SUN2: variants seen among roughly 807,000 people sequenced by gnomAD.
The protein encoded by SUN2 is SUN domain-containing protein 2.
SUN2 carries 60 observed loss-of-function variants against 100.0 expected under a neutral mutation model. The ratio of observed to expected loss-of-function variants is 0.60; its 90% CI spans 0.49 to 0.74. The LOEUF (loss-of-function observed/expected upper bound fraction) is 0.74. Among genes scored for constraint, SUN2 ranks in the 30% least tolerant of loss-of-function variants. The pLI is 0.00. For missense variants in SUN2, 834 were observed against 954.6 expected (o/e 0.87, Z 1.66); for synonymous variants, 367 against 403.3 (o/e 0.91, Z 1.08).
At chr22:38,746,903 G>A (rs1030552955) in intron 7 of SUN2, among the ~76,000 whole-genome samples, 28 of 151,508 alleles carry the variant, frequency 1.8e-4, no homozygotes, top group Non-Finnish European at 2.5e-4. Flanking sequence ...GCGTGGTGGC[G>A]GCCGCCTGTA....
Position 38,745,696 on chromosome 22 carries a change from C to G in SUN2, c.801G>C (p.Ser267=), listed in dbSNP as rs374425217. Residue 267 remains serine, a synonymous_variant, in exon 8 of 18, where the codon TCG becomes TCC. Coordinates refer to ENST00000689035, the MANE Select transcript of SUN2 (RefSeq NM_015374.3). ...PDEGWEARDS[S]PHFQAEQRVM... is the part of the protein sequence containing the mutation. ...CTCAGAGACTCACCTGGAAATGTGG[C>G]GATGAGTCTCTGGCTTCCCAGCCCT... The G allele has an allele frequency of 2.5e-6, 4 of 1,613,688 alleles. No individual in the cohort carries two copies. The highest frequency in any genetic ancestry group is 1.7e-5 in the Admixed American group (1 of 60,032).
In SUN2 at chr22:38,738,773, A is replaced by T. The variant is rs775442033; in HGVS notation, c.1780-19T>A. On this transcript the variant is annotated intron_variant, in intron 15 of 17. Transcript: ENST00000689035. The surrounding 1 kb of genome is among the most constrained non-coding windows in gnomAD (Gnocchi z 6.6). ...CATCTGGCTGGAGGAGCAGAAAGTC[A>T]TGTCAGGACAGGGCCCTGAGTCCAG... 6 of 1,611,520 alleles carry T rather than the reference A, an allele frequency of 3.7e-6. No homozygotes were observed. In the South Asian group the frequency reaches 6.6e-5, roughly 18 times the overall value.
intron 7 of SUN2, among the ~76,000 whole-genome samples, chr22:38,747,773 T>A (rs1305776753): frequency 6.6e-6 from 1 of 151,084 alleles, no homozygotes; most frequent in Admixed American, 6.6e-5. Context: ...TGAAACCCCG[T>A]CTCTACTAAA....
Position 38,740,304 on chromosome 22 carries a change from C to T in SUN2, c.1319G>A (p.Gly440Asp). ...LKQSSVAEEVGLLPQQIQAVR... is the reference protein window; with the variant it reads ...LKQSSVAEEVDLLPQQIQAVR... The stretch of plus-strand genomic sequence containing the variant: ...GGCCTGGATCTGCTGGGGCAGCAGG[C>T]CCACTTCTTCCGCCACCGAGCTCTG... Residue 440 changes from glycine to aspartate, a missense_variant, in exon 12 of 18, where the codon GGC (glycine) becomes GAC (aspartate). Physicochemically the swap from Gly to Asp is moderately conservative, Grantham distance 94. Around this residue, in one of 3 missense-constraint regions of SUN2, gnomAD observed 559 missense variants for 597.7 expected, o/e 0.94. Coordinates refer to ENST00000689035, the MANE Select transcript of SUN2 (RefSeq NM_015374.3). This position sits in a 1 kb window ranked among gnomAD's most constrained non-coding sequence, Gnocchi z 4.8. 6.2e-7 allele frequency: 1 copy of T among 1,603,646 alleles called. No individual in the cohort carries two copies. Among genetic ancestry groups the T allele is most frequent in the Non-Finnish European group, 8.5e-7 (1 of 1,175,934 alleles).
In SUN2 at chr22:38,737,913, C is replaced by G. The variant is rs1222474531; in HGVS notation, c.2040+260G>C. 6.0e-6 allele frequency: 4 copies of G among 662,616 alleles called. No homozygotes were observed. The highest frequency in any genetic ancestry group is 1.1e-5 in the Non-Finnish European group (4 of 350,692). The allele number at this position is 662,616 out of a possible 1,614,324, so 41.0% of individuals were successfully genotyped here. ...CCTTCCTTTCCTGGCCACCCAACCC[C>G]TCTTGTGTAAAGCCCACCTCCTGGT... is the stretch of plus-strand genomic sequence containing the variant. On this transcript the variant is annotated intron_variant, in intron 17 of 17. Coordinates refer to ENST00000689035, the MANE Select transcript of SUN2 (RefSeq NM_015374.3). This position sits in a 1 kb window ranked among gnomAD's most constrained non-coding sequence, Gnocchi z 4.1.
chr22:38,755,328 C>T lies in SUN2; in HGVS notation c.-38+435G>A. The T allele has an allele frequency of 9.1e-7, 1 of 1,094,934 alleles. No individual in the cohort carries two copies. Among genetic ancestry groups the T allele is most frequent in the East Asian group, 7.3e-5 (1 of 13,656 alleles). 67.8% of individuals were successfully genotyped at this position (1,094,934 alleles called of 1,614,324 possible). ...TGGCTCTCTAAGTCACACCGCGCCCCCCATTGCTTTGTTTTGTTTTGTTTT... is the reference window on the plus strand; with the variant it reads ...TGGCTCTCTAAGTCACACCGCGCCCTCCATTGCTTTGTTTTGTTTTGTTTT... On this transcript the variant is annotated intron_variant, in intron 1 of 17. Transcript: ENST00000689035. This position sits in a 1 kb window ranked among gnomAD's most constrained non-coding sequence, Gnocchi z 5.7.
chr22:38,742,381 C>T lies in SUN2; in HGVS notation c.988G>A (p.Ala330Thr). The T allele has an allele frequency of 6.2e-7, 1 of 1,613,360 alleles. No individual in the cohort carries two copies. Among genetic ancestry groups the T allele is most frequent in the Non-Finnish European group, 8.5e-7 (1 of 1,179,972 alleles). ...CGGCTCACTAGCCCCTCCAGCAGCG[C>T]CAGGGTGTCCTCGTGGCTCAGGCCA... is the stretch of plus-strand genomic sequence containing the variant. Reference protein sequence around the residue: ...GGGLSHEDTLALLEGLVSRRE... With the variant: ...GGGLSHEDTLTLLEGLVSRRE... Residue 330 changes from alanine to threonine, a missense_variant, in exon 9 of 18, where the codon GCG becomes ACG. Ala to Thr is a moderately conservative substitution (Grantham distance 58). Transcript: ENST00000689035.
rs1041207891 is a variant in SUN2 at position 38,755,233 on chromosome 22, G to T, written c.-38+530C>A. On this transcript the variant is annotated intron_variant, in intron 1 of 17. Transcript: ENST00000689035. This position sits in a 1 kb window ranked among gnomAD's most constrained non-coding sequence, Gnocchi z 5.7. ...CCCTTGTGGGACCTGCCAAACGCCCGGTGCTAACTCCCTCTGCCCTCATTC... is the reference window on the plus strand; with the variant it reads ...CCCTTGTGGGACCTGCCAAACGCCCTGTGCTAACTCCCTCTGCCCTCATTC... The T allele has an allele frequency of 3.4e-6, 4 of 1,182,184 alleles. No homozygotes were observed. The African/African-American group carries it at 6.4e-5, about 19-fold the overall frequency. The allele number at this position is 1,182,184 out of a possible 1,614,324, so 73.2% of individuals were successfully genotyped here. A position where few individuals can be genotyped will look rare whatever the true frequency, so the allele number is the denominator to read the frequency against.
chr22:38,751,034 A>G lies in SUN2; in HGVS notation c.288T>C (p.Gly96=). The G allele has an allele frequency of 6.2e-7, 1 of 1,612,648 alleles. No individual in the cohort carries two copies. The highest frequency in any genetic ancestry group is 8.5e-7 in the Non-Finnish European group (1 of 1,179,384). Residue 96 remains glycine (G), a splice_region_variant and synonymous_variant, in exon 4 of 18, where the codon GGT becomes GGC. Coordinates refer to ENST00000689035, the MANE Select transcript of SUN2 (RefSeq NM_015374.3). ...TCCTCCTCCGCACCCGCAGGTCCTC[A>G]CCTGTGCAGGGAAGAACCAGGGGCT... The part of the protein sequence containing the change: ...LEELHGDANW[G]EDLRVRRRRG...
At position 38,737,404 on chromosome 22, in the gene SUN2, C is replaced by CA. The variant is rs1477710557; in HGVS notation, c.2040+768dup. 6.6e-6 allele frequency among the ~76,000 whole-genome samples: 1 copy of CA among 152,172 alleles called. No individual in the cohort carries two copies. Among genetic ancestry groups the CA allele is most frequent in the Non-Finnish European group, 1.5e-5 (1 of 68,026 alleles). On this transcript the variant is annotated intron_variant, in intron 17 of 17. Coordinates refer to ENST00000689035, the MANE Select transcript of SUN2 (RefSeq NM_015374.3). This position sits in a 1 kb window ranked among gnomAD's most constrained non-coding sequence, Gnocchi z 4.1. ...CCTCACTCCCAACGCCCCTCTCCCCCACCTATCCTGTTCTGGCTGCTTTCC... is the reference window on the plus strand; with the variant it reads ...CCTCACTCCCAACGCCCCTCTCCCCCAACCTATCCTGTTCTGGCTGCTTTCC...
chr22:38,739,941 C>T lies in SUN2; in HGVS notation c.1359G>A (p.Val453=), dbSNP rs745348691. 3.7e-6 allele frequency: 6 copies of T among 1,610,016 alleles called. No homozygotes were observed. The highest frequency in any genetic ancestry group is 1.3e-5 in the African/African-American group (1 of 75,042). Residue 453 remains valine, a splice_region_variant and synonymous_variant, in exon 13 of 18, where the codon GTG becomes GTA. Transcript: ENST00000689035. The surrounding 1 kb of genome is among the most constrained non-coding windows in gnomAD (Gnocchi z 6.7). ...TGATCCAGGCCGGGAACTGAGATTCCACCTATAGGAACCCAAAGGGGTGTC... is the reference window on the plus strand; with the variant it reads ...TGATCCAGGCCGGGAACTGAGATTCTACCTATAGGAACCCAAAGGGGTGTC... The part of the protein sequence containing the change: ...PQQIQAVRDD[V]ESQFPAWISQ...
In SUN2 at chr22:38,738,741, G is replaced by A. The variant is rs1394617985; in HGVS notation, c.1793C>T (p.Pro598Leu). ...PRVILQPDVHPGNCWAFQGPQ... is the reference protein window; with the variant it reads ...PRVILQPDVHLGNCWAFQGPQ... The stretch of plus-strand genomic sequence containing the variant: ...CCCCTGGAAGGCCCAGCAGTTGCCT[G>A]GGTGCACATCTGGCTGGAGGAGCAG... Residue 598 changes from proline to leucine, a missense_variant, in exon 16 of 18, where the codon CCA becomes CTA. Coordinates refer to ENST00000689035, the MANE Select transcript of SUN2 (RefSeq NM_015374.3). The surrounding 1 kb of genome is among the most constrained non-coding windows in gnomAD (Gnocchi z 6.6). The A allele has an allele frequency of 1.2e-6, 2 of 1,613,444 alleles. No homozygotes were observed. Among genetic ancestry groups the A allele is most frequent in the Non-Finnish European group, 1.7e-6 (2 of 1,179,976 alleles).
rs779567211 is a variant in SUN2 at position 38,740,345 on chromosome 22, C to A, written c.1278G>T (p.Ala426=). 2.0e-5 allele frequency: 32 copies of A among 1,588,748 alleles called. No individual in the cohort carries two copies. Among genetic ancestry groups the A allele is most frequent in the Non-Finnish European group, 2.7e-5 (32 of 1,168,078 alleles). The change falls in exon 12 of 18, where the codon GCG becomes GCT. Residue 426 remains alanine (A), a synonymous_variant. Transcript: ENST00000689035. The surrounding 1 kb of genome is among the most constrained non-coding windows in gnomAD (Gnocchi z 4.8). ...CCGAGCTCTGCTTCAGTGCCAGAGCCGCCAGCTCCTGCTGCAGGCCGGCCA... is the reference window on the plus strand; with the variant it reads ...CCGAGCTCTGCTTCAGTGCCAGAGCAGCCAGCTCCTGCTGCAGGCCGGCCA... ...DQLAGLQQEL[A]ALALKQSSVA...
intron 2 of SUN2, 45 bp from the exon 3 acceptor site, chr22:38,751,418 G>A: frequency 6.2e-7 from 1 of 1,603,486 alleles, no homozygotes; most frequent in Non-Finnish European, 8.5e-7. Flanking sequence ...AGGGAGGTGA[G>A]CCCAGCCAGG....
chr22:38,755,608 C>T lies in SUN2; in HGVS notation c.-38+155G>A. Reference sequence around the variant, plus strand: ...GCCAGGAGGTGAGTCAGGGCGCGGGCCGCGGACCCGGGTGGAGGCTGGATC... The same window carrying T: ...GCCAGGAGGTGAGTCAGGGCGCGGGTCGCGGACCCGGGTGGAGGCTGGATC... On this transcript the variant is annotated intron_variant, in intron 1 of 17. Coordinates refer to ENST00000689035, the MANE Select transcript of SUN2 (RefSeq NM_015374.3). The surrounding 1 kb of genome is among the most constrained non-coding windows in gnomAD (Gnocchi z 5.7). 1.1e-6 allele frequency: 1 copy of T among 942,786 alleles called. No individual in the cohort carries two copies. Among genetic ancestry groups the T allele is most frequent in the Non-Finnish European group, 1.3e-6 (1 of 790,870 alleles). The allele number at this position is 942,786 out of a possible 1,614,324, so 58.4% of individuals were successfully genotyped here.
rs1478366937 is a variant in SUN2, at chr22:38,738,422, C to G, written c.1948-157G>C. The G allele has an allele frequency of 8.7e-7, 1 of 1,147,036 alleles. No homozygotes were observed. Among genetic ancestry groups the G allele is most frequent in the East Asian group, 2.4e-5 (1 of 41,240 alleles). 71.1% of individuals were successfully genotyped at this position (1,147,036 alleles called of 1,614,324 possible). ...GTGCCACAGTTTCTGCCTCCAAAGC[C>G]TAAGGTAACAGGGACTGAAGTGCTG... is the stretch of plus-strand genomic sequence containing the variant. On this transcript the variant is annotated intron_variant, in intron 16 of 17. Transcript: ENST00000689035. The surrounding 1 kb of genome is among the most constrained non-coding windows in gnomAD (Gnocchi z 6.6).
chr22:38,751,451 T>G, intron 2 of SUN2, 78 bp from the exon 3 acceptor site: 1 of 1,546,320 alleles, frequency 6.5e-7, no homozygotes, highest in Non-Finnish European at 8.8e-7. Flanking sequence ...AGCCACAGCC[T>G]GCGGCCCTGC....
Position 38,751,313 on chromosome 22 carries a change from C to G in SUN2, c.183G>C (p.Pro61=). The G allele has an allele frequency of 1.6e-5, 26 of 1,614,144 alleles. No homozygotes were observed. Among genetic ancestry groups the G allele is most frequent in the Non-Finnish European group, 2.2e-5 (26 of 1,180,022 alleles). The part of the protein sequence containing the change: ...KRLSPAPQLG[P]SSDAHTSYYS... ...AGTAGGAGGTGTGTGCATCAGAGGA[C>G]GGGCCCAGCTGTGGCGCTGGGGACA... The change falls in exon 3 of 18, where the codon CCG becomes CCC. Residue 61 remains proline (P), a synonymous_variant. Transcript: ENST00000689035.
intron 9 of SUN2, among the ~76,000 whole-genome samples, 146 bp downstream of exon 9, chr22:38,742,148 GAAAAAAA>G (rs369861899): frequency 7.8e-6 from 1 of 127,742 alleles, no homozygotes; most frequent in Non-Finnish European, 1.7e-5. Context: ...GTCTCAAAAA[GAAAAAAA>G]AAAAAGAAAA....
Sources: allele counts gnomAD v4.1 joint callset (sites outside exome capture counted in the v4.1 genomes callset), GRCh38; gene constraint gnomAD v4.1.1; regional missense constraint gnomAD v4.1.1; non-coding constraint Gnocchi (gnomAD v3.1); transcripts MANE v1.5; gene names NCBI Gene and HGNC (gene_info 2026-07-23, HGNC 2026-07-21).